PDE6H: variants seen among roughly 807,000 people sequenced by gnomAD.
PDE6H encodes the protein retinal cone rhodopsin-sensitive cGMP 3',5'-cyclic phosphodiesterase subunit gamma.
In PDE6H, 11 loss-of-function variants were observed where a neutral mutation model predicts 9.2. The observed-to-expected ratio is 1.19, with a 90% CI of 0.75 to 1.97. The LOEUF is 1.97. Ranked by LOEUF, PDE6H falls within the 30% of genes most tolerant of loss-of-function variation. The pLI is 0.00. For synonymous variants in PDE6H, 36 were observed against 33.6 expected, an observed-to-expected ratio of 1.07 and a Z score of -0.25; for missense variants, 98 against 101.5, an observed-to-expected ratio of 0.97 and a Z score of 0.15.
At chr12:14,977,111 C>T (rs1056497750) in intron 1 of PDE6H, among the ~76,000 whole-genome samples, 1 of 152,162 alleles carries the variant, frequency 6.6e-6, no homozygotes, top group Non-Finnish European at 1.5e-5. Context: ...TATGTCTCGA[C>T]GTAGAGTTGA....
chr12:14,974,609 G>C (rs1864565254), intron 1 of PDE6H, among the ~76,000 whole-genome samples: 1 of 152,260 alleles, frequency 6.6e-6, no homozygotes, highest in Admixed American at 6.5e-5. Context: ...TGTATCATTG[G>C]GGAATATGGA....
At position 14,981,523 on chromosome 12, in the gene PDE6H, G is replaced by T; in HGVS notation, c.*47G>T. 1 of 1,376,942 alleles carries T rather than the reference G, an allele frequency of 7.3e-7. No individual in the cohort carries two copies. Among genetic ancestry groups the T allele is most frequent in the Non-Finnish European group, 1.0e-6 (1 of 963,700 alleles). The allele number at this position is 1,376,942 out of a possible 1,614,324, so 85.3% of individuals were successfully genotyped here. A position where few individuals can be genotyped will look rare whatever the true frequency, so the allele number is the denominator to read the frequency against. On this transcript the variant is annotated 3_prime_UTR_variant, in exon 4 of 4. Transcript: ENST00000266395. ...CTCAATGACATCTGCTGTAATTTTG[G>T]TTGCTTTTGCCCTGTTGATCTGCCG...
At chr12:14,978,352 G>A (rs1864629513) in intron 2 of PDE6H, among the ~76,000 whole-genome samples, 1 of 152,130 alleles carries the variant, frequency 6.6e-6, no homozygotes, top group South Asian at 2.1e-4. Context: ...GTCTGTGGCC[G>A]AATTTAACAT....
intron 2 of PDE6H, 34 bp from the exon 3 acceptor site, chr12:14,979,145 T>A: frequency 6.6e-7 from 1 of 1,519,478 alleles, no homozygotes; most frequent in South Asian, 1.1e-5. Context: ...TTTGCTCTAA[T>A]CTCAGCTAAT....
Position 14,981,400 on chromosome 12 carries a change from A to G in PDE6H, c.176A>G (p.Asp59Gly), listed in dbSNP as rs201547440. ...DIPGMEGLGT[D>G]ITVICPWEAF... ...CGTGCTCTTCTTCCATCTCTTGCAG[A>G]TATCACAGTGATTTGTCCATGGGAG... The change falls in exon 4 of 4, where the codon GAT (aspartate) becomes GGT (glycine). Residue 59 changes from aspartate to glycine, a missense_variant and splice_region_variant. Asp to Gly is a moderately conservative substitution (Grantham distance 94). Coordinates refer to ENST00000266395, the MANE Select transcript of PDE6H (RefSeq NM_006205.3). 7.9e-5 allele frequency: 126 copies of G among 1,605,008 alleles called. No individual in the cohort carries two copies. The highest frequency in any genetic ancestry group is 3.3e-4 in the Middle Eastern group (2 of 6,044).
intron 3 of PDE6H, 35 bp downstream of exon 3, chr12:14,979,254 A>G (rs1367310545): frequency 1.3e-6 from 2 of 1,497,726 alleles, no homozygotes; most frequent in African/African-American, 2.8e-5. Flanking sequence ...AGAACTTCGC[A>G]CTTGGAGTTC....
In PDE6H at chr12:14,978,071, G is replaced by T. The variant is rs775561506; in HGVS notation, c.59G>T (p.Arg20Leu). 3 of 1,613,514 alleles carry T rather than the reference G, an allele frequency of 1.9e-6. No homozygotes were observed. Among genetic ancestry groups the T allele is most frequent in the South Asian group, 2.2e-5 (2 of 91,056 alleles). ...TCAAACCAGGGTCCTACCACCCCAC[G>T]CAAAGGCCCTCCCAAGTTCAAGCAG... is the stretch of plus-strand genomic sequence containing the variant. ...PASNQGPTTP[R>L]KGPPKFKQRQ... The change falls in exon 2 of 4, where the codon CGC becomes CTC. Residue 20 changes from arginine to leucine, a missense_variant. By Grantham distance (102) the Arg-to-Leu change is moderately radical (BLOSUM62 -2). Coordinates refer to ENST00000266395, the MANE Select transcript of PDE6H (RefSeq NM_006205.3).
chr12:14,976,031 A>G (rs1864589753), intron 1 of PDE6H, among the ~76,000 whole-genome samples: 1 of 152,114 alleles, frequency 6.6e-6, no homozygotes, highest in Non-Finnish European at 1.5e-5. Flanking sequence ...CGTGTTAGCC[A>G]GGATGGTCTT....
At chr12:14,978,207 T>G in intron 2 of PDE6H, 61 bp downstream of exon 2, 1 of 1,521,832 alleles carries the variant, frequency 6.6e-7, no homozygotes. Flanking sequence ...AGACTGCTTT[T>G]GTTTTGGGAA....
intron 1 of PDE6H, 24 bp from the exon 2 acceptor site, chr12:14,977,948 T>C: frequency 6.5e-7 from 1 of 1,529,854 alleles, no homozygotes; most frequent in Non-Finnish European, 9.0e-7. Flanking sequence ...AAGATCTTCT[T>C]TTTTTTATCT....
At chr12:14,978,217 A>C in intron 2 of PDE6H, 71 bp downstream of exon 2, 1 of 1,421,618 alleles carries the variant, frequency 7.0e-7, no homozygotes. Flanking sequence ...TGTTTTGGGA[A>C]ATTGGTGCTC....
chr12:14,977,991 C>T lies in PDE6H; in HGVS notation c.-22C>T. On this transcript the variant is annotated 5_prime_UTR_variant, in exon 2 of 4. Transcript: ENST00000266395. ...TCTAAGGAGGCTGAAAGGGAAACAT[C>T]AGCCGCCCGGGGGGAGTTAAAATGA... 3.7e-6 allele frequency: 6 copies of T among 1,612,528 alleles called. No homozygotes were observed. Among genetic ancestry groups the T allele is most frequent in the Non-Finnish European group, 4.2e-6 (5 of 1,179,474 alleles).
chr12:14,979,395 A>G (rs1033844017), intron 3 of PDE6H, among the ~76,000 whole-genome samples, 176 bp downstream of exon 3: 1 of 152,242 alleles, frequency 6.6e-6, no homozygotes, highest in Non-Finnish European at 1.5e-5. Flanking sequence ...GTGTGCCCAG[A>G]TACAAAAGCC....
intron 3 of PDE6H, among the ~76,000 whole-genome samples, 187 bp from the exon 4 acceptor site, chr12:14,981,213 C>G (rs368595854): frequency 2.0e-5 from 3 of 152,220 alleles, no homozygotes; most frequent in Admixed American, 6.5e-5. Context: ...AACAGAGATG[C>G]CTGGTGCAAC....
At chr12:14,980,876 A>G (rs1407704910) in intron 3 of PDE6H, among the ~76,000 whole-genome samples, 1 of 152,236 alleles carries the variant, frequency 6.6e-6, no homozygotes, top group Non-Finnish European at 1.5e-5. Context: ...ATTGTCTAAA[A>G]CAAGAAGCTG....
At chr12:14,979,463 C>A (rs778818563) in intron 3 of PDE6H, among the ~76,000 whole-genome samples, 1 of 152,152 alleles carries the variant, frequency 6.6e-6, no homozygotes. Context: ...TGTCAAACAA[C>A]CTTTGAGGGC....
At chr12:14,975,820 T>C (rs1864584171) in intron 1 of PDE6H, among the ~76,000 whole-genome samples, 1 of 83,768 alleles carries the variant, frequency 1.2e-5, no homozygotes, top group South Asian at 6.7e-4. Context: ...TTGTTTTTTT[T>C]TTTTGTTTTT....
chr12:14,981,375 C>G (rs570068214), intron 3 of PDE6H, 25 bp from the exon 4 acceptor site: 1 of 1,518,098 alleles, frequency 6.6e-7, no homozygotes, highest in Admixed American at 1.7e-5. Context: ...GGTTGGCTTA[C>G]GTGCTCTTCT....
chr12:14,976,479 G>C (rs892646447), intron 1 of PDE6H, among the ~76,000 whole-genome samples: 2 of 152,186 alleles, frequency 1.3e-5, no homozygotes, highest in Non-Finnish European at 2.9e-5. Flanking sequence ...GGCCAGTAAA[G>C]AGAGTCATTG....
Sources: gnomAD v4.1 joint callset for allele counts (sites outside exome capture counted in the v4.1 genomes callset) on GRCh38, gnomAD v4.1.1 for gene constraint, MANE v1.5 for transcripts, NCBI Gene and HGNC (gene_info 2026-07-23, HGNC 2026-07-21) for gene names.